Variants in CA10 observed in about 807,000 individuals in gnomAD.
CA10 encodes the protein carbonic anhydrase 10 (inactive), also known as carbonic anhydrase-related protein 10.
A neutral mutation model predicts 44.2 loss-of-function variants in CA10; 14 were observed. That is an observed-to-expected ratio of 0.32 (90% confidence interval 0.21 to 0.50). The LOEUF is 0.50. Ranked by LOEUF, CA10 falls within the 20% of genes least tolerant of loss-of-function variation. CA10 has a pLI of 0.99. For missense variants in CA10, 350 were observed against 409.7 expected (o/e 0.85, Z 1.26); for synonymous variants, 159 against 141.6 (o/e 1.12, Z -0.87).
At chr17:51,809,641 A>G (rs1385137773) in intron 3 of CA10, among the ~76,000 whole-genome samples, 1 of 152,198 alleles carries the variant, frequency 6.6e-6, no homozygotes, top group Non-Finnish European at 1.5e-5. Context: ...CAAACTCCTC[A>G]GTAGCTGGCA....
intron 4 of CA10, among the ~76,000 whole-genome samples, chr17:51,658,144 T>C (rs1291616297): frequency 6.6e-6 from 1 of 152,220 alleles, no homozygotes; most frequent in African/African-American, 2.4e-5. Context: ...CATGATGCAG[T>C]GCATTCTCTA....
intron 4 of CA10, among the ~76,000 whole-genome samples, chr17:51,684,613 G>T (rs1914949129): frequency 1.3e-5 from 2 of 152,192 alleles, no homozygotes; most frequent in African/African-American, 4.8e-5. Context: ...GTGGGAATGG[G>T]CTTCAGAGGA....
At chr17:51,991,915 C>T (rs1485467190) in intron 2 of CA10, among the ~76,000 whole-genome samples, 5 of 152,108 alleles carry the variant, frequency 3.3e-5, no homozygotes, top group Non-Finnish European at 7.4e-5. Flanking sequence ...TGCCCTCTCA[C>T]CTATCTCTGC....
chr17:52,043,155 T>C (rs1986818855), intron 2 of CA10, among the ~76,000 whole-genome samples: 1 of 152,110 alleles, frequency 6.6e-6, no homozygotes, highest in Non-Finnish European at 1.5e-5. Flanking sequence ...GTGTTGAATC[T>C]GTAGATAACT....
At chr17:51,905,039 A>G (rs1439162703) in intron 3 of CA10, among the ~76,000 whole-genome samples, 2 of 152,188 alleles carry the variant, frequency 1.3e-5, no homozygotes, top group African/African-American at 4.8e-5. Flanking sequence ...CACATTCAGC[A>G]CGATAGATAA....
At chr17:51,988,848 CTT>C (rs1034592887) in intron 2 of CA10, among the ~76,000 whole-genome samples, 4 of 151,862 alleles carry the variant, frequency 2.6e-5, no homozygotes, top group Non-Finnish European at 5.9e-5. Flanking sequence ...ATTTTATTAA[CTT>C]AGTATATCCA....
chr17:51,821,510 C>G (rs1907798422), intron 3 of CA10, among the ~76,000 whole-genome samples: 1 of 151,994 alleles, frequency 6.6e-6, no homozygotes, highest in Admixed American at 6.5e-5. Context: ...AAATGATTAC[C>G]AGCTCTCCCC....
At chr17:52,062,341 T>C (rs566840126) in intron 2 of CA10, among the ~76,000 whole-genome samples, 52 of 152,158 alleles carry the variant, frequency 3.4e-4, no homozygotes, top group African/African-American at 1.2e-3. Context: ...CATGAAAAAT[T>C]TACAGTCTAG....
chr17:51,737,951 G>C (rs141018597), intron 4 of CA10, among the ~76,000 whole-genome samples: 2 of 152,266 alleles, frequency 1.3e-5, no homozygotes, highest in East Asian at 1.9e-4. Flanking sequence ...CTATATCCTA[G>C]GCTGCTTCGG....
At chr17:51,866,819 A>G (rs1437075506) in intron 3 of CA10, among the ~76,000 whole-genome samples, 5 of 152,216 alleles carry the variant, frequency 3.3e-5, no homozygotes, top group Non-Finnish European at 7.3e-5. Context: ...AGCTCCATAT[A>G]GTGGTTTTCA....
intron 2 of CA10, among the ~76,000 whole-genome samples, chr17:51,957,851 A>G (rs1983725442): frequency 6.6e-6 from 1 of 152,034 alleles, no homozygotes. Context: ...CCACTGTGTA[A>G]TGCAACCTTA....
intron 3 of CA10, among the ~76,000 whole-genome samples, chr17:51,909,140 C>T (rs1345256453): frequency 2.0e-5 from 3 of 152,126 alleles, no homozygotes; most frequent in Non-Finnish European, 4.4e-5. Flanking sequence ...TGTGCAGGCA[C>T]TTCCTCGTCA....
At chr17:52,018,947 T>C (rs1231176060) in intron 2 of CA10, among the ~76,000 whole-genome samples, 1 of 152,026 alleles carries the variant, frequency 6.6e-6, no homozygotes, top group Admixed American at 6.6e-5. Context: ...TGAGTTCACA[T>C]GATATCTGGT....
intron 2 of CA10, among the ~76,000 whole-genome samples, chr17:52,008,022 G>A (rs1985660619): frequency 6.6e-6 from 1 of 151,462 alleles, no homozygotes; most frequent in Admixed American, 6.6e-5. Context: ...TCTTTCCACT[G>A]TATCTACAGT....
intron 4 of CA10, among the ~76,000 whole-genome samples, chr17:51,679,084 T>C (rs1914731452): frequency 6.6e-6 from 1 of 152,034 alleles, no homozygotes; most frequent in African/African-American, 2.4e-5. Context: ...CATTTATTGG[T>C]GGGGGTGGGG....
At chr17:51,886,421 C>A (rs1223924792) in intron 3 of CA10, among the ~76,000 whole-genome samples, 2 of 152,180 alleles carry the variant, frequency 1.3e-5, no homozygotes, top group African/African-American at 4.8e-5. Flanking sequence ...AACCTAATTC[C>A]TGGGTCTCAT....
chr17:51,963,240 CAA>C (rs1007988730), intron 2 of CA10, among the ~76,000 whole-genome samples: 1 of 151,994 alleles, frequency 6.6e-6, no homozygotes, highest in Non-Finnish European at 1.5e-5. Context: ...GAAAAATGAA[CAA>C]AGTCTTTGAG....
At chr17:51,959,797 GAA>G (rs3062037) in intron 2 of CA10, among the ~76,000 whole-genome samples, 10 of 112,356 alleles carry the variant, frequency 8.9e-5, no homozygotes, top group South Asian at 3.3e-4. Flanking sequence ...CTGCTAAGAT[GAA>G]AAAAAAAAAA....
intron 2 of CA10, among the ~76,000 whole-genome samples, chr17:51,972,851 G>A (rs1384150466): frequency 6.6e-6 from 1 of 151,888 alleles, no homozygotes; most frequent in Non-Finnish European, 1.5e-5. Context: ...ATGAAGGCCA[G>A]CTTATCAAGA....
Sources: gnomAD v4.1 joint callset for allele counts (sites outside exome capture counted in the v4.1 genomes callset) on GRCh38, gnomAD v4.1.1 for gene constraint, MANE v1.5 for transcripts, NCBI Gene and HGNC (gene_info 2026-07-23, HGNC 2026-07-21) for gene names.